The following MGST2 variants were observed in gnomAD, a reference collection of about 807,000 sequenced individuals.
MGST2 encodes glutathione peroxidase MGST2.
MGST2 carries 9 observed loss-of-function variants against 16.6 expected under a neutral mutation model. The ratio of observed to expected loss-of-function variants is 0.54; its 90% CI spans 0.33 to 0.95. The LOEUF is 0.95. Ranked by LOEUF, MGST2 falls within the 40% of genes least tolerant of loss-of-function variation. MGST2 has a pLI of 0.03. For missense variants in MGST2, 159 were observed against 175.1 expected, an observed-to-expected ratio of 0.91 and a Z score of 0.52; for synonymous variants, 79 against 68.0, an observed-to-expected ratio of 1.16 and a Z score of -0.79.
At chr4:139,723,583 A>T (rs1366143248) in intron 5 of MGST2, among the ~76,000 whole-genome samples, 1 of 152,172 alleles carries the variant, frequency 6.6e-6, no homozygotes, top group Admixed American at 6.5e-5. Flanking sequence ...ACGTGCTGGG[A>T]TTACAGGAGT....
intron 1 of MGST2, among the ~76,000 whole-genome samples, chr4:139,667,843 C>T (rs535451496): frequency 4.7e-4 from 72 of 151,794 alleles, no homozygotes; most frequent in Non-Finnish European, 9.1e-4. Flanking sequence ...GGCAACAGAG[C>T]GAGACTCCAT....
In MGST2 at chr4:139,699,390, T is replaced by C. The variant is rs138453530; in HGVS notation, c.230-4065T>C. On this transcript the variant is annotated intron_variant, in intron 3 of 4. Transcript: ENST00000265498. ...AAAATTCATATATATATCTATATAGTCTTTCTGCTGAAGCTTTGTAAAAAT... is the reference window on the plus strand; with the variant it reads ...AAAATTCATATATATATCTATATAGCCTTTCTGCTGAAGCTTTGTAAAAAT... 1.3e-3 allele frequency among the ~76,000 whole-genome samples: 205 copies of C among 152,382 alleles called. 1 individual carries two copies. Among genetic ancestry groups the C allele is most frequent in the African/African-American group, 4.7e-3 (197 of 41,592 alleles).
intron 5 of MGST2, chr4:139,719,761 C>A (rs776961914): frequency 1.2e-6 from 2 of 1,613,690 alleles, no homozygotes; most frequent in South Asian, 2.2e-5. Context: ...GTCTCGGCTG[C>A]CCAGCTTGAA....
intron 2 of MGST2, chr4:139,685,368 C>T (rs1412491795): frequency 6.2e-6 from 1 of 162,460 alleles, no homozygotes. Context: ...CCAGATCAGC[C>T]GAATCAACCC....
chr4:139,722,738 A>G (rs551071081), intron 5 of MGST2, among the ~76,000 whole-genome samples: 18 of 152,242 alleles, frequency 1.2e-4, no homozygotes, highest in Non-Finnish European at 2.4e-4. Flanking sequence ...TTTGAAATGT[A>G]TAATGGTGAG....
chr4:139,693,404 C>CAAAAAAAAAAAAAAAAAAAAA (rs55723907), intron 2 of MGST2, among the ~76,000 whole-genome samples: 2 of 66,802 alleles, frequency 3.0e-5, no homozygotes, highest in African/African-American at 1.2e-4. Flanking sequence ...GACTACGTCT[C>CAAAAAAAAAAAAAAAAAAAAA]AAAAAAAAAA....
intron 2 of MGST2, among the ~76,000 whole-genome samples, chr4:139,689,574 A>G (rs998110038): frequency 1.6e-4 from 25 of 152,348 alleles, no homozygotes; most frequent in African/African-American, 5.8e-4. Context: ...CGGGTCATCC[A>G]TTCAGAGTGC....
intron 2 of MGST2, among the ~76,000 whole-genome samples, chr4:139,693,404 CAAAA>C (rs55723907): frequency 1.5e-5 from 1 of 66,804 alleles, no homozygotes; most frequent in Admixed American, 1.7e-4. Context: ...GACTACGTCT[CAAAA>C]AAAAAAAAAA....
chr4:139,708,487 C>T (rs1329955651), downstream of MGST2, among the ~76,000 whole-genome samples: 2 of 152,118 alleles, frequency 1.3e-5, no homozygotes, highest in Non-Finnish European at 2.9e-5. Flanking sequence ...AGTTTGAAGT[C>T]AGGTATCGTG....
intron 2 of MGST2, among the ~76,000 whole-genome samples, chr4:139,685,702 C>T (rs371917335): frequency 4.6e-5 from 7 of 152,204 alleles, no homozygotes; most frequent in East Asian, 1.9e-4. Context: ...CTCACTCTGT[C>T]GCCCATACTG....
chr4:139,712,076 A>C (rs1366346821), intron 5 of MGST2, among the ~76,000 whole-genome samples: 1 of 152,172 alleles, frequency 6.6e-6, no homozygotes, highest in Non-Finnish European at 1.5e-5. Flanking sequence ...TTCCTACACA[A>C]AGAGTATAGC....
At chr4:139,667,154 CTG>C (rs1247780058) in intron 1 of MGST2, among the ~76,000 whole-genome samples, 1 of 150,886 alleles carries the variant, frequency 6.6e-6, no homozygotes, top group Non-Finnish European at 1.5e-5. Flanking sequence ...CAGAGAGACT[CTG>C]GGGCTGCCAC....
intron 1 of MGST2, among the ~76,000 whole-genome samples, chr4:139,673,384 G>T (rs1730805069): frequency 6.6e-6 from 1 of 151,908 alleles, no homozygotes; most frequent in Admixed American, 6.6e-5. Context: ...CTCCCCAATG[G>T]CTTTCAGGCA....
At chr4:139,668,604 A>C (rs1730497746) in intron 1 of MGST2, among the ~76,000 whole-genome samples, 1 of 146,216 alleles carries the variant, frequency 6.8e-6, no homozygotes, top group South Asian at 2.3e-4. Context: ...ACAGAGAGAG[A>C]GAGAGAGAGA....
intron 2 of MGST2, 55 bp from the exon 3 acceptor site, chr4:139,695,142 G>T: frequency 8.0e-7 from 1 of 1,250,582 alleles, no homozygotes; most frequent in Non-Finnish European, 1.2e-6. Context: ...AAAAATCAAT[G>T]CTTCAGTGTA....
chr4:139,731,599 A>G (rs1223172198), intron 5 of MGST2, among the ~76,000 whole-genome samples: 1 of 152,108 alleles, frequency 6.6e-6, no homozygotes, highest in Non-Finnish European at 1.5e-5. Flanking sequence ...CCTGGGCGAC[A>G]GAGTGAGACT....
At chr4:139,716,571 A>ATCC (rs1388356713) in intron 5 of MGST2, among the ~76,000 whole-genome samples, 6 of 151,894 alleles carry the variant, frequency 4.0e-5, no homozygotes, top group Non-Finnish European at 8.8e-5. Flanking sequence ...AGAAAGTATC[A>ATCC]TCAGTTGTGC....
intron 3 of MGST2, among the ~76,000 whole-genome samples, chr4:139,700,745 G>T (rs1249570353): frequency 6.6e-6 from 1 of 152,110 alleles, no homozygotes; most frequent in African/African-American, 2.4e-5. Context: ...ATTTGACTGG[G>T]GTATCCTTGG....
chr4:139,735,033 C>T lies in MGST2; in HGVS notation c.*49-5179C>T, dbSNP rs1728878315. Among the ~76,000 whole-genome samples, 1 of 152,180 alleles carries T rather than the reference C, an allele frequency of 6.6e-6. No individual in the cohort carries two copies. Among genetic ancestry groups the T allele is most frequent in the Admixed American group, 6.5e-5 (1 of 15,284 alleles). On this transcript the variant is annotated intron_variant, in intron 5 of 5. Coordinates refer to the MGST2 transcript ENST00000616265. The surrounding 1 kb of genome is among the most constrained non-coding windows in gnomAD (Gnocchi z 5.8). ...CCGCCGCTGCGCCCGCGCCCCCTCC[C>T]CTCGCAGATGGCTTAATCAGGGCTC...
Sources: gnomAD v4.1 joint callset for allele counts (sites outside exome capture counted in the v4.1 genomes callset) on GRCh38, gnomAD v4.1.1 for gene constraint, Gnocchi (gnomAD v3.1) non-coding constraint, MANE v1.5 for transcripts, NCBI Gene and HGNC (gene_info 2026-07-23, HGNC 2026-07-21) for gene names.